Variants in C1QTNF7 observed in about 807,000 individuals in gnomAD.
The protein encoded by C1QTNF7 is complement C1q tumor necrosis factor-related protein 7.
In C1QTNF7, 15 loss-of-function variants were observed where a neutral mutation model predicts 19.6. The ratio of observed to expected loss-of-function variants is 0.76; its 90% confidence interval spans 0.51 to 1.18. C1QTNF7 has a LOEUF of 1.18. Among genes scored for constraint, C1QTNF7 ranks in the 50% most tolerant of loss-of-function variants. The pLI is 0.00. For synonymous variants in C1QTNF7, 142 were observed against 137.5 expected (o/e 1.03, Z -0.23); for missense variants, 324 against 359.7 (o/e 0.90, Z 0.80).
At chr4:15,394,668 CA>C (rs1718714460) in intron 1 of C1QTNF7, among the ~76,000 whole-genome samples, 1 of 151,828 alleles carries the variant, frequency 6.6e-6, no homozygotes, top group African/African-American at 2.4e-5. Flanking sequence ...TTACGACAAA[CA>C]TATTTTTTAT....
intron 1 of C1QTNF7, among the ~76,000 whole-genome samples, chr4:15,355,700 A>C (rs1717121631): frequency 6.6e-6 from 1 of 152,180 alleles, no homozygotes; most frequent in Non-Finnish European, 1.5e-5. Context: ...TTGAGAGGAA[A>C]GTTCCCTGCC....
chr4:15,399,837 G>A lies in C1QTNF7; in HGVS notation c.14-35899G>A, dbSNP rs910664717. The stretch of plus-strand genomic sequence containing the variant: ...AAGGTGCTTTCAAGTAGTATATACT[G>A]AGTGCCCACTTGAAGCCAGGCATTG... On this transcript the variant is annotated intron_variant, in intron 1 of 2. Coordinates refer to the C1QTNF7 transcript ENST00000295297. 2.9e-4 allele frequency among the ~76,000 whole-genome samples: 44 copies of A among 152,200 alleles called. 1 individual carries two copies. Among genetic ancestry groups the A allele is most frequent in the Admixed American group, 1.3e-4 (2 of 15,276 alleles).
chr4:15,363,457 C>T (rs902631635), intron 1 of C1QTNF7, among the ~76,000 whole-genome samples: 1 of 152,166 alleles, frequency 6.6e-6, no homozygotes, highest in Non-Finnish European at 1.5e-5. Context: ...ACCTCAATGC[C>T]ATGACTGCAT....
intron 1 of C1QTNF7, among the ~76,000 whole-genome samples, chr4:15,400,830 G>A (rs79677714): frequency 0.023 from 3,534 of 152,282 alleles, 164 homozygotes; most frequent in African/African-American, 0.08. Context: ...GCTCACTATG[G>A]AGCAATCAGG....
intron 1 of C1QTNF7, among the ~76,000 whole-genome samples, chr4:15,408,747 G>A (rs1719296231): frequency 6.6e-6 from 1 of 152,072 alleles, no homozygotes; most frequent in Non-Finnish European, 1.5e-5. Context: ...TCTGAAAACA[G>A]GAGTAACTTT....
intron 1 of C1QTNF7, among the ~76,000 whole-genome samples, chr4:15,410,049 T>C (rs917211161): frequency 6.6e-6 from 1 of 152,168 alleles, no homozygotes; most frequent in Non-Finnish European, 1.5e-5. Context: ...AGTTTCTACA[T>C]ACCCCATGAA....
chr4:15,437,339 G>C (rs1712577312), intron 2 of C1QTNF7, among the ~76,000 whole-genome samples: 2 of 151,932 alleles, frequency 1.3e-5, no homozygotes, highest in Admixed American at 1.3e-4. Flanking sequence ...TTGTAAGTTG[G>C]TGGTAATAAG....
chr4:15,380,387 A>G (rs896651279), intron 1 of C1QTNF7, among the ~76,000 whole-genome samples: 55 of 152,160 alleles, frequency 3.6e-4, no homozygotes, highest in African/African-American at 1.3e-3. Flanking sequence ...CCTTCTCACT[A>G]ATGCTAGCAT....
chr4:15,442,579 G>A lies in C1QTNF7; in HGVS notation c.650G>A (p.Arg217Gln), dbSNP rs150953206. The A allele has an allele frequency of 5.1e-4, 826 of 1,614,166 alleles. 3 individuals carry two copies. The highest frequency in any genetic ancestry group is 5.9e-4 in the Non-Finnish European group (697 of 1,180,044). ...AIGLVHNGQY[R>Q]IKTFDANTGN... is the part of the protein sequence containing the mutation. ...GGACTGGTACACAATGGGCAATACCGGATAAAGACCTTCGACGCCAACACA... is the reference window on the plus strand; with the variant it reads ...GGACTGGTACACAATGGGCAATACCAGATAAAGACCTTCGACGCCAACACA... The change falls in exon 3 of 3, where the codon CGG (arginine) becomes CAG (glutamine). Residue 217 changes from arginine (R) to glutamine (Q), a missense_variant. Coordinates refer to ENST00000444304, the MANE Select transcript of C1QTNF7 (RefSeq NM_031911.5).
At chr4:15,430,983 C>T (rs1459704898) in intron 1 of C1QTNF7, among the ~76,000 whole-genome samples, 1 of 151,524 alleles carries the variant, frequency 6.6e-6, no homozygotes, top group Non-Finnish European at 1.5e-5. Flanking sequence ...TGAGGAAAGA[C>T]AAAGGACAAA....
At chr4:15,378,939 T>A (rs1459374249) in intron 1 of C1QTNF7, among the ~76,000 whole-genome samples, 1 of 152,234 alleles carries the variant, frequency 6.6e-6, no homozygotes. Flanking sequence ...TCAATTAGCC[T>A]AATAATTGTG....
chr4:15,402,498 G>C (rs2108908622), intron 1 of C1QTNF7, among the ~76,000 whole-genome samples: 1 of 152,172 alleles, frequency 6.6e-6, no homozygotes, highest in African/African-American at 2.4e-5. Context: ...AGCAACAGTG[G>C]GAATTATTTG....
intron 1 of C1QTNF7, among the ~76,000 whole-genome samples, chr4:15,375,661 A>G (rs1381964085): frequency 1.3e-5 from 2 of 152,098 alleles, no homozygotes; most frequent in African/African-American, 2.4e-5. Flanking sequence ...CATGAATTCT[A>G]TGGCTGCAAG....
chr4:15,438,278 A>G (rs967563996), intron 2 of C1QTNF7, among the ~76,000 whole-genome samples: 1 of 152,228 alleles, frequency 6.6e-6, no homozygotes, highest in African/African-American at 2.4e-5. Context: ...AAGAAAAGGT[A>G]GGAATGACTA....
At chr4:15,392,497 T>C (rs1013495963) in intron 1 of C1QTNF7, among the ~76,000 whole-genome samples, 2 of 152,130 alleles carry the variant, frequency 1.3e-5, no homozygotes, top group Admixed American at 6.5e-5. Flanking sequence ...CCAAAGACAC[T>C]AGCCCTGCCT....
At chr4:15,436,308 A>G (rs1712536011) in intron 2 of C1QTNF7, among the ~76,000 whole-genome samples, 1 of 152,224 alleles carries the variant, frequency 6.6e-6, no homozygotes, top group South Asian at 2.1e-4. Context: ...CCAGACTCAA[A>G]CATCTGATGT....
intron 1 of C1QTNF7, among the ~76,000 whole-genome samples, chr4:15,422,828 G>T (rs530388166): frequency 2.0e-5 from 3 of 151,994 alleles, no homozygotes; most frequent in South Asian, 2.1e-4. Context: ...TTGCCATATT[G>T]CCCAGGCTGG....
At chr4:15,378,846 A>T (rs752930136) in intron 1 of C1QTNF7, among the ~76,000 whole-genome samples, 1 of 152,238 alleles carries the variant, frequency 6.6e-6, no homozygotes, top group African/African-American at 2.4e-5. Flanking sequence ...GGCACAGCAG[A>T]TCACTTGGGT....
In C1QTNF7 at chr4:15,378,398, A is replaced by G. The variant is rs891720081; in HGVS notation, c.13+38191A>G. 2.6e-5 allele frequency among the ~76,000 whole-genome samples: 4 copies of G among 152,310 alleles called. No individual in the cohort carries two copies. The South Asian group carries it at 8.3e-4, about 32-fold the overall frequency. On this transcript the variant is annotated intron_variant, in intron 1 of 2. Transcript: ENST00000295297. The stretch of plus-strand genomic sequence containing the variant: ...AATTTTCTTTCTCTTTCTTAGTATC[A>G]TATGCCATAAGTAATTGTATGAAAA...
Sources: allele counts gnomAD v4.1 joint callset (sites outside exome capture counted in the v4.1 genomes callset), GRCh38; gene constraint gnomAD v4.1.1; transcripts MANE v1.5; gene names NCBI Gene and HGNC (gene_info 2026-07-23, HGNC 2026-07-21).